Variants in TRIQK observed in about 807,000 individuals in gnomAD.
TRIQK encodes triple QxxK/R motif-containing protein.
A neutral mutation model predicts 10.8 loss-of-function variants in TRIQK; 10 were observed. That is an observed-to-expected ratio of 0.92 (90% confidence interval 0.57 to 1.57). The LOEUF is 1.57. TRIQK is among the 40% of genes most tolerant of loss of function. The pLI is 0.00. For missense variants in TRIQK, 107 were observed against 97.7 expected (o/e 1.09, Z -0.40); for synonymous variants, 33 against 33.7 (o/e 0.98, Z 0.07).
intron 3 of TRIQK, 88 bp downstream of exon 3, chr8:92,916,841 G>A (rs945337120): frequency 6.2e-6 from 6 of 963,194 alleles, no homozygotes; most frequent in Non-Finnish European, 8.4e-6. Context: ...TGTATCATAT[G>A]TATTAGAGAA....
intron 3 of TRIQK, among the ~76,000 whole-genome samples, chr8:92,895,093 C>T (rs1445522877): frequency 3.9e-5 from 6 of 152,130 alleles, no homozygotes; most frequent in African/African-American, 7.2e-5. Context: ...GGTTAGTTAT[C>T]ATAGAAGTTA....
At chr8:92,935,892 T>C (rs2130579147) in intron 2 of TRIQK, among the ~76,000 whole-genome samples, 1 of 151,698 alleles carries the variant, frequency 6.6e-6, no homozygotes. Flanking sequence ...AGAGATCAAA[T>C]AGAATAAAAT....
intron 1 of TRIQK, among the ~76,000 whole-genome samples, chr8:93,010,063 A>G (rs28848017): frequency 1.3e-5 from 2 of 152,044 alleles, no homozygotes; most frequent in African/African-American, 4.8e-5. Context: ...GGAATCTATA[A>G]AAGTTGATCT....
chr8:92,921,255 T>C (rs1197514609), intron 2 of TRIQK, among the ~76,000 whole-genome samples: 1 of 151,634 alleles, frequency 6.6e-6, no homozygotes, highest in Non-Finnish European at 1.5e-5. Context: ...AAGCAATAAA[T>C]GCTAGATGTT....
chr8:92,895,013 T>C (rs540588822), intron 3 of TRIQK, among the ~76,000 whole-genome samples: 1 of 152,288 alleles, frequency 6.6e-6, no homozygotes, highest in South Asian at 2.1e-4. Context: ...AGAGGTGGGA[T>C]CTGTAAGAGG....
At chr8:92,990,023 T>A (rs1007892345) in intron 1 of TRIQK, among the ~76,000 whole-genome samples, 1 of 151,940 alleles carries the variant, frequency 6.6e-6, no homozygotes, top group African/African-American at 2.4e-5. Context: ...ATACTAAAAC[T>A]TCATAACAAA....
intron 1 of TRIQK, among the ~76,000 whole-genome samples, chr8:92,979,702 T>C (rs1025905402): frequency 2.6e-5 from 4 of 152,124 alleles, no homozygotes; most frequent in African/African-American, 9.6e-5. Context: ...GTTTTATAGT[T>C]TTCTTAATGG....
intron 1 of TRIQK, among the ~76,000 whole-genome samples, chr8:92,999,312 T>C (rs1017825822): frequency 6.6e-6 from 1 of 152,196 alleles, no homozygotes; most frequent in African/African-American, 2.4e-5. Context: ...AATATTTTTA[T>C]TGAAAACCCA....
At chr8:92,930,062 A>T (rs558967627) in intron 2 of TRIQK, among the ~76,000 whole-genome samples, 4 of 151,586 alleles carry the variant, frequency 2.6e-5, no homozygotes, top group South Asian at 4.1e-4. Context: ...AAATAAAAAT[A>T]AATAAATAAA....
At chr8:92,946,797 G>A (rs1268123100) in intron 2 of TRIQK, among the ~76,000 whole-genome samples, 2 of 143,338 alleles carry the variant, frequency 1.4e-5, no homozygotes, top group African/African-American at 5.2e-5. Flanking sequence ...GTCTCGCTCT[G>A]TCGCCCAGGC....
At chr8:92,966,935 C>T (rs1812771201), upstream of TRIQK, among the ~76,000 whole-genome samples, 1 of 133,792 alleles carries the variant, frequency 7.5e-6, no homozygotes, top group Non-Finnish European at 1.5e-5. Context: ...TAGGCCAGCC[C>T]CATCATATCT....
intron 1 of TRIQK, among the ~76,000 whole-genome samples, chr8:92,971,213 T>A (rs1812874371): frequency 6.6e-6 from 1 of 152,086 alleles, no homozygotes; most frequent in Non-Finnish European, 1.5e-5. Context: ...TAGTATAGTT[T>A]AAAGTTACAC....
chr8:92,899,610 T>A (rs569803471), intron 3 of TRIQK, among the ~76,000 whole-genome samples: 1 of 152,216 alleles, frequency 6.6e-6, no homozygotes. Flanking sequence ...TGAACAGTAC[T>A]TCATTGTGTA....
chr8:93,007,995 A>T (rs1464006994), intron 1 of TRIQK, among the ~76,000 whole-genome samples: 4 of 152,216 alleles, frequency 2.6e-5, no homozygotes, highest in Non-Finnish European at 5.9e-5. Flanking sequence ...TTGCAGGGAC[A>T]TGGATGGAGC....
chr8:92,994,051 G>A (rs1813125662), intron 1 of TRIQK, among the ~76,000 whole-genome samples: 1 of 152,044 alleles, frequency 6.6e-6, no homozygotes, highest in Non-Finnish European at 1.5e-5. Flanking sequence ...TTGTGTGGAT[G>A]GCACAGAACT....
intron 3 of TRIQK, among the ~76,000 whole-genome samples, chr8:92,898,200 C>A (rs1808712039): frequency 6.6e-6 from 1 of 152,012 alleles, no homozygotes. Flanking sequence ...TAAGTAAAGT[C>A]AAATAAAGAC....
At chr8:92,938,329 T>G (rs565507525) in intron 2 of TRIQK, among the ~76,000 whole-genome samples, 1 of 152,242 alleles carries the variant, frequency 6.6e-6, no homozygotes, top group African/African-American at 2.4e-5. Context: ...CAATTTGTAA[T>G]GATTATTACA....
At chr8:92,973,553 C>T (rs1812025473) in intron 1 of TRIQK, 1 of 151,988 alleles carries the variant, frequency 6.6e-6, no homozygotes, top group South Asian at 2.1e-4. Context: ...CTGGGCTAAA[C>T]AAATTATTTA....
chr8:92,955,317 T>C (rs1324293624), intron 1 of TRIQK, among the ~76,000 whole-genome samples: 2 of 151,836 alleles, frequency 1.3e-5, no homozygotes, highest in African/African-American at 2.4e-5. Context: ...TTAAATAGTG[T>C]TAACAATACA....
Sources: gnomAD v4.1 joint callset for allele counts (sites outside exome capture counted in the v4.1 genomes callset) on GRCh38, gnomAD v4.1.1 for gene constraint, MANE v1.5 for transcripts, NCBI Gene and HGNC (gene_info 2026-07-23, HGNC 2026-07-21) for gene names.